AUTS2: variants seen among roughly 807,000 people sequenced by gnomAD.
The protein encoded by AUTS2 is activator of transcription and developmental regulator AUTS2.
Under a neutral mutation model 112.4 loss-of-function variants are expected in AUTS2, and 17 were observed. That is an observed-to-expected ratio of 0.15 (90% confidence interval 0.10 to 0.23). AUTS2 has a LOEUF of 0.23. Ranked by LOEUF, AUTS2 falls within the 10% of genes least tolerant of loss-of-function variation. The probability of loss-of-function intolerance (pLI) is 1.00; values close to 1 mark genes in which losing one functional copy is unlikely to be tolerated. For missense variants in AUTS2, 1,510 were observed against 1,701.6 expected (o/e 0.89, Z 1.98); for synonymous variants, 751 against 702.7 (o/e 1.07, Z -1.09).
intron 4 of AUTS2, among the ~76,000 whole-genome samples, chr7:70,385,244 G>T (rs528518983): frequency 6.6e-6 from 1 of 152,190 alleles, no homozygotes; most frequent in Non-Finnish European, 1.5e-5. Flanking sequence ...ATAGCCAAGT[G>T]CTAGTTTCAT....
intron 4 of AUTS2, among the ~76,000 whole-genome samples, chr7:70,231,036 G>A (rs956230601): frequency 2.6e-5 from 4 of 152,222 alleles, no homozygotes; most frequent in African/African-American, 9.6e-5. Context: ...TGTCAATGAG[G>A]TTCGGTGAGT....
At chr7:69,725,103 C>A (rs976404561) in intron 1 of AUTS2, among the ~76,000 whole-genome samples, 3 of 152,182 alleles carry the variant, frequency 2.0e-5, no homozygotes, top group African/African-American at 7.2e-5. Flanking sequence ...TGAATACACT[C>A]ACATATAGTC....
chr7:70,333,943 A>C (rs1055454084), intron 4 of AUTS2, among the ~76,000 whole-genome samples: 2 of 152,176 alleles, frequency 1.3e-5, no homozygotes, highest in Non-Finnish European at 2.9e-5. Flanking sequence ...GTATCCCAGA[A>C]TTTAAAGTGT....
At chr7:70,085,598 C>T (rs996794173) in intron 2 of AUTS2, among the ~76,000 whole-genome samples, 3 of 152,164 alleles carry the variant, frequency 2.0e-5, no homozygotes, top group African/African-American at 7.2e-5. Context: ...AACTCCTGAC[C>T]TCAGGTGATC....
At chr7:70,746,771 A>C (rs1226224372) in intron 6 of AUTS2, among the ~76,000 whole-genome samples, 1 of 152,148 alleles carries the variant, frequency 6.6e-6, no homozygotes, top group African/African-American at 2.4e-5. Context: ...TGTGATGAGA[A>C]GCCACTGGAG....
At chr7:70,472,798 A>AT (rs1307386915) in intron 5 of AUTS2, among the ~76,000 whole-genome samples, 2 of 152,216 alleles carry the variant, frequency 1.3e-5, no homozygotes, top group African/African-American at 4.8e-5. Flanking sequence ...CTCTGATTGG[A>AT]TTAGACGTCA....
At chr7:70,346,482 T>G (rs1791501233) in intron 4 of AUTS2, among the ~76,000 whole-genome samples, 2 of 152,152 alleles carry the variant, frequency 1.3e-5, no homozygotes, top group African/African-American at 4.8e-5. Context: ...TTGTGGCTAG[T>G]TTCTCATTTG....
chr7:70,158,830 GA>G (rs1447730919), intron 4 of AUTS2, among the ~76,000 whole-genome samples: 1 of 151,980 alleles, frequency 6.6e-6, no homozygotes, highest in Non-Finnish European at 1.5e-5. Flanking sequence ...GAGCTGACCA[GA>G]ATAAAGGCAA....
intron 5 of AUTS2, among the ~76,000 whole-genome samples, chr7:70,649,431 T>G (rs963835692): frequency 6.6e-6 from 1 of 152,176 alleles, no homozygotes; most frequent in Admixed American, 6.5e-5. Context: ...TAAACAATGG[T>G]TAATAGAAAC....
chr7:70,775,484 T>C (rs1264869631), intron 13 of AUTS2, 98 bp downstream of exon 13: 8 of 981,834 alleles, frequency 8.1e-6, no homozygotes, highest in Non-Finnish European at 1.3e-5. Flanking sequence ...CATAGAAATG[T>C]TGGAATAAGA....
intron 11 of AUTS2, 96 bp downstream of exon 11, chr7:70,771,740 G>C (rs910097853): frequency 2.8e-6 from 3 of 1,083,018 alleles, no homozygotes; most frequent in Non-Finnish European, 4.1e-6. Flanking sequence ...CCTGTGCAGT[G>C]ACTCATTAAT....
chr7:70,792,409 ATATG>A lies in AUTS2; in HGVS notation c.*1418_*1421del, dbSNP rs1792025570. Reference sequence around the variant, plus strand: ...TATCTTGTCTACTGGACTGTAAAATATATGTATGAAATAAAATTAGTTCCATTTG... The same window carrying A: ...TATCTTGTCTACTGGACTGTAAAATATATGAAATAAAATTAGTTCCATTTG... On this transcript the variant is annotated 3_prime_UTR_variant, in exon 19 of 19. Coordinates refer to ENST00000342771, the MANE Select transcript of AUTS2 (RefSeq NM_015570.4). The A allele has an allele frequency of 6.6e-6, 1 of 151,958 alleles. No individual in the cohort carries two copies. The highest frequency in any genetic ancestry group is 1.5e-5 in the Non-Finnish European group (1 of 67,942). The allele number at this position is 151,958 out of a possible 1,614,324, so 9.4% of individuals were successfully genotyped here.
intron 4 of AUTS2, among the ~76,000 whole-genome samples, chr7:70,336,160 G>T (rs769997058): frequency 2.0e-5 from 3 of 151,834 alleles, no homozygotes; most frequent in Non-Finnish European, 4.4e-5. Flanking sequence ...TAAAATAATT[G>T]GTTTGTTAAC....
chr7:70,428,151 G>C (rs1795507774), intron 4 of AUTS2, among the ~76,000 whole-genome samples: 1 of 152,190 alleles, frequency 6.6e-6, no homozygotes, highest in Non-Finnish European at 1.5e-5. Context: ...TATGGTCTCA[G>C]TAAGAACATT....
chr7:69,732,144 G>A (rs1005426175), intron 1 of AUTS2, among the ~76,000 whole-genome samples: 1 of 151,998 alleles, frequency 6.6e-6, no homozygotes, highest in Non-Finnish European at 1.5e-5. Context: ...TCAGTCTTTG[G>A]GGGCTAGTTG....
chr7:69,950,981 T>C (rs946197967), intron 2 of AUTS2, among the ~76,000 whole-genome samples: 18 of 151,352 alleles, frequency 1.2e-4, no homozygotes, highest in Admixed American at 3.3e-4. Flanking sequence ...CTTTCTCTCT[T>C]TTTTTTTAAA....
chr7:70,060,925 G>A (rs533180771), intron 2 of AUTS2, among the ~76,000 whole-genome samples: 73 of 152,278 alleles, frequency 4.8e-4, no homozygotes, highest in African/African-American at 1.4e-3. Context: ...GAAGGAAGCA[G>A]AACAGGAATG....
intron 1 of AUTS2, among the ~76,000 whole-genome samples, chr7:69,813,070 C>T (rs769123752): frequency 7.9e-5 from 12 of 152,218 alleles, no homozygotes; most frequent in Non-Finnish European, 1.3e-4. Context: ...CTACAAGACA[C>T]TGCACGGTCT....
At chr7:69,660,859 G>A (rs1168834103) in intron 1 of AUTS2, among the ~76,000 whole-genome samples, 1 of 152,186 alleles carries the variant, frequency 6.6e-6, no homozygotes. Flanking sequence ...GCATGAACCC[G>A]GGAGGCGGAG....
Sources: gnomAD v4.1 joint callset for allele counts (sites outside exome capture counted in the v4.1 genomes callset) on GRCh38, gnomAD v4.1.1 for gene constraint, MANE v1.5 for transcripts, NCBI Gene and HGNC (gene_info 2026-07-23, HGNC 2026-07-21) for gene names.